Variants in CHODL observed in about 807,000 individuals in gnomAD.
The protein encoded by CHODL is transmembrane protein MT75.
CHODL carries 29 observed loss-of-function variants against 34.5 expected under a neutral mutation model. The observed-to-expected ratio is 0.84, with a 90% CI of 0.63 to 1.15. CHODL has a LOEUF of 1.15. Among genes scored for constraint, CHODL ranks in the 50% most tolerant of loss-of-function variants. The pLI, the probability that CHODL is intolerant of heterozygous loss-of-function variation, is 0.00. For synonymous variants in CHODL, 125 were observed against 116.1 expected (o/e 1.08, Z -0.49); for missense variants, 332 against 332.5 (o/e 1.00, Z 0.01).
chr21:18,028,758 T>C (rs1027597104), intron 2 of CHODL, among the ~76,000 whole-genome samples: 1 of 149,526 alleles, frequency 6.7e-6, no homozygotes, highest in South Asian at 2.2e-4. Flanking sequence ...CTCCAGTGGC[T>C]GGACAGTTAC....
intron 2 of CHODL, among the ~76,000 whole-genome samples, chr21:18,221,400 A>T (rs978463466): frequency 7.2e-5 from 11 of 151,898 alleles, no homozygotes; most frequent in Admixed American, 6.6e-4. Flanking sequence ...TTTCTTTAGG[A>T]TTTCTTACTG....
intron 2 of CHODL, among the ~76,000 whole-genome samples, chr21:18,109,444 G>A (rs1251581130): frequency 6.6e-6 from 1 of 152,134 alleles, no homozygotes; most frequent in Non-Finnish European, 1.5e-5. Context: ...AAGGTGATGA[G>A]CCATAGAAAC....
At chr21:18,071,150 T>C (rs2064799968) in intron 2 of CHODL, among the ~76,000 whole-genome samples, 1 of 148,408 alleles carries the variant, frequency 6.7e-6, no homozygotes, top group African/African-American at 2.5e-5. Context: ...TACAGCATTT[T>C]TTTTTTTTTT....
upstream of CHODL, among the ~76,000 whole-genome samples, chr21:18,244,015 G>A (rs2074106597): frequency 6.6e-6 from 1 of 152,156 alleles, no homozygotes; most frequent in Non-Finnish European, 1.5e-5. Context: ...AAATTCTTAA[G>A]AACTTCTCTC....
intron 2 of CHODL, among the ~76,000 whole-genome samples, chr21:18,080,666 C>T (rs567829010): frequency 6.6e-6 from 1 of 152,118 alleles, no homozygotes; most frequent in African/African-American, 2.4e-5. Flanking sequence ...TTTCTGGGTT[C>T]TCCATTGTGT....
intron 1 of CHODL, among the ~76,000 whole-genome samples, chr21:17,991,304 T>C (rs1393667036): frequency 6.6e-6 from 1 of 152,134 alleles, no homozygotes. Flanking sequence ...GATTTCCTTT[T>C]CTTTTGATAA....
intron 1 of CHODL, among the ~76,000 whole-genome samples, chr21:17,982,846 G>A (rs1360729969): frequency 6.6e-6 from 1 of 151,168 alleles, no homozygotes; most frequent in African/African-American, 2.4e-5. Context: ...GAGTACCTGG[G>A]ATTACAGCCA....
intron 2 of CHODL, among the ~76,000 whole-genome samples, chr21:18,055,670 A>G (rs1408031805): frequency 6.6e-6 from 1 of 152,022 alleles, no homozygotes; most frequent in Non-Finnish European, 1.5e-5. Context: ...ATGTGGTCAG[A>G]GAGAGTGGGG....
In CHODL at chr21:17,922,208, TAAA is replaced by T. The variant is rs551083583; in HGVS notation, c.-145+4819_-145+4821del. 7.1e-5 allele frequency among the ~76,000 whole-genome samples: 10 copies of T among 141,090 alleles called. No individual in the cohort carries two copies. The East Asian group carries it at 1.0e-3, about 14-fold the overall frequency. 92.6% of individuals were successfully genotyped at this position (141,090 alleles called of 152,430 possible). ...CCAAGTGGGCCACTGCTTATGGCTC[TAAA>T]AAAAAAAAAACACTGTACCTCAGAA... On this transcript the variant is annotated intron_variant, in intron 1 of 6. Coordinates refer to the CHODL transcript ENST00000400127.
intron 1 of CHODL, among the ~76,000 whole-genome samples, chr21:18,012,942 T>C (rs1190387312): frequency 1.3e-5 from 2 of 151,516 alleles, no homozygotes; most frequent in African/African-American, 4.9e-5. Context: ...CGTAAAAAAA[T>C]AGTATGTAGA....
At chr21:18,006,710 C>G (rs993003477) in intron 1 of CHODL, among the ~76,000 whole-genome samples, 1 of 152,168 alleles carries the variant, frequency 6.6e-6, no homozygotes, top group African/African-American at 2.4e-5. Flanking sequence ...GGTTATCTTT[C>G]TATTGAGAAA....
intron 1 of CHODL, among the ~76,000 whole-genome samples, chr21:17,935,828 T>C (rs1000802363): frequency 3.9e-5 from 6 of 152,110 alleles, no homozygotes; most frequent in African/African-American, 1.4e-4. Flanking sequence ...GAAGAAGTGA[T>C]GGGTGCTGAT....
At chr21:18,160,693 A>G (rs964306056) in intron 2 of CHODL, among the ~76,000 whole-genome samples, 11 of 152,212 alleles carry the variant, frequency 7.2e-5, no homozygotes, top group African/African-American at 2.7e-4. Flanking sequence ...ATAATATTCC[A>G]TTGTGTATAT....
chr21:17,983,663 G>T (rs2063731263), intron 1 of CHODL, among the ~76,000 whole-genome samples: 1 of 151,772 alleles, frequency 6.6e-6, no homozygotes, highest in East Asian at 1.9e-4. Context: ...GCAAATTTTT[G>T]TTTCATAATT....
intron 1 of CHODL, among the ~76,000 whole-genome samples, chr21:18,019,025 A>G (rs1000589417): frequency 6.6e-6 from 1 of 152,238 alleles, no homozygotes; most frequent in Non-Finnish European, 1.5e-5. Flanking sequence ...AGAAAAATCT[A>G]CTGAGCTATT....
rs1418425113 is a variant in CHODL, at chr21:18,070,033, C to A, written c.-45+42062C>A. Among the ~76,000 whole-genome samples the A allele has an allele frequency of 1.3e-4, 14 of 107,142 alleles. 1 individual carries two copies. The highest frequency in any genetic ancestry group is 3.4e-4 in the African/African-American group (11 of 32,258). The allele number at this position is 107,142 out of a possible 152,430, so 70.3% of individuals were successfully genotyped here. A position where few individuals can be genotyped will look rare whatever the true frequency, so the allele number is the denominator to read the frequency against. Reference sequence around the variant, plus strand: ...CCTTCCCTTCCCTTCCCTCCCCCCCCCCACCCATTTCCTTTGCTTTCCTGT... The same window carrying A: ...CCTTCCCTTCCCTTCCCTCCCCCCCACCACCCATTTCCTTTGCTTTCCTGT... On this transcript the variant is annotated intron_variant, in intron 2 of 6. Coordinates refer to the CHODL transcript ENST00000400127.
intron 2 of CHODL, among the ~76,000 whole-genome samples, chr21:18,079,907 T>A (rs2064920576): frequency 6.7e-6 from 1 of 150,326 alleles, no homozygotes; most frequent in African/African-American, 2.4e-5. Flanking sequence ...TAAGACATAG[T>A]CATACTGTTT....
intron 2 of CHODL, among the ~76,000 whole-genome samples, chr21:18,041,029 C>G (rs770523494): frequency 6.6e-6 from 1 of 151,872 alleles, no homozygotes; most frequent in Non-Finnish European, 1.5e-5. Flanking sequence ...CTTTAGCTTG[C>G]TTTTATTGTG....
intron 2 of CHODL, among the ~76,000 whole-genome samples, chr21:18,048,976 A>G (rs926314576): frequency 1.3e-5 from 2 of 151,962 alleles, no homozygotes; most frequent in African/African-American, 2.4e-5. Context: ...ATGACACTAA[A>G]GAACACTTTA....
Sources: gnomAD v4.1 joint callset for allele counts (sites outside exome capture counted in the v4.1 genomes callset) on GRCh38, gnomAD v4.1.1 for gene constraint, MANE v1.5 for transcripts, NCBI Gene and HGNC (gene_info 2026-07-23, HGNC 2026-07-21) for gene names.